The following MYO9A variants were observed in gnomAD, a reference collection of about 807,000 sequenced individuals.
The protein encoded by MYO9A is myosin IXA, also known as unconventional myosin-IXa.
Under a neutral mutation model 293.3 loss-of-function variants are expected in MYO9A, and 103 were observed. The ratio of observed to expected loss-of-function variants is 0.35; its 90% CI spans 0.30 to 0.41. The LOEUF (loss-of-function observed/expected upper bound fraction) is 0.41, where lower values mean the gene tolerates loss of function less well. Among genes scored for constraint, MYO9A ranks in the 10% least tolerant of loss-of-function variants. The pLI, the probability that MYO9A is intolerant of heterozygous loss-of-function variation, is 1.00. For synonymous variants in MYO9A, 1,001 were observed against 1,035.7 expected (o/e 0.97, Z 0.64); for missense variants, 2,685 against 3,033.0 (o/e 0.89, Z 2.69).
intron 21 of MYO9A, 69 bp from the exon 22 acceptor site, chr15:71,903,132 A>G (rs2057532609): frequency 7.9e-7 from 1 of 1,258,452 alleles, no homozygotes; most frequent in African/African-American, 1.5e-5. Context: ...TAAACTAATT[A>G]TCATTCTATT....
intron 9 of MYO9A, among the ~76,000 whole-genome samples, chr15:71,997,628 A>C (rs1567363606): frequency 1.3e-5 from 2 of 152,216 alleles, no homozygotes; most frequent in South Asian, 4.1e-4. Flanking sequence ...CCAAACAAAA[A>C]TAAACAAAAA....
intron 1 of MYO9A, among the ~76,000 whole-genome samples, chr15:72,116,667 TAAG>T (rs1474037392): frequency 6.6e-6 from 1 of 152,136 alleles, no homozygotes; most frequent in Non-Finnish European, 1.5e-5. Flanking sequence ...AAAATAAAAA[TAAG>T]AAACAGTTCT....
chr15:71,910,741 G>C (rs920846753), intron 19 of MYO9A, among the ~76,000 whole-genome samples: 2 of 152,066 alleles, frequency 1.3e-5, no homozygotes, highest in African/African-American at 4.8e-5. Context: ...GTTTTACATA[G>C]GTGTGTTGGC....
At chr15:71,912,631 C>A (rs1291121872) in intron 19 of MYO9A, among the ~76,000 whole-genome samples, 3 of 152,172 alleles carry the variant, frequency 2.0e-5, no homozygotes, top group Admixed American at 1.3e-4. Flanking sequence ...TAAATTCAAA[C>A]TTCCATGTGG....
At chr15:71,902,714 T>C (rs2057521041) in intron 22 of MYO9A, among the ~76,000 whole-genome samples, 1 of 152,154 alleles carries the variant, frequency 6.6e-6, no homozygotes, top group Non-Finnish European at 1.5e-5. Context: ...GTAGAGTATC[T>C]ATGGAGAGAT....
chr15:71,867,901 T>C (rs1475300666), intron 32 of MYO9A, among the ~76,000 whole-genome samples: 1 of 151,586 alleles, frequency 6.6e-6, no homozygotes, highest in Non-Finnish European at 1.5e-5. Flanking sequence ...AGCAGCCTAA[T>C]AGTCCGGTAA....
chr15:72,022,710 G>A (rs886901442), intron 4 of MYO9A, among the ~76,000 whole-genome samples: 4 of 151,816 alleles, frequency 2.6e-5, no homozygotes, highest in African/African-American at 9.7e-5. Flanking sequence ...ACCAAATCTG[G>A]CTAATTTTTG....
chr15:71,852,362 C>CTT (rs1159987320), intron 35 of MYO9A, 102 bp from the exon 36 acceptor site: 2,777 of 610,730 alleles, frequency 4.5e-3, no homozygotes, highest in South Asian at 5.4e-3. Flanking sequence ...CTTCATGTTT[C>CTT]TTTTTTTTTT....
intron 6 of MYO9A, 35 bp from the exon 7 acceptor site, chr15:72,010,482 T>C (rs1433264562): frequency 1.1e-5 from 17 of 1,540,578 alleles, no homozygotes; most frequent in Non-Finnish European, 1.5e-5. Context: ...AAAATCAAGA[T>C]TATATATTTT....
chr15:71,991,339 G>T, intron 10 of MYO9A, 102 bp from the exon 11 acceptor site: 2 of 857,872 alleles, frequency 2.3e-6, no homozygotes, highest in Non-Finnish European at 3.5e-6. Context: ...CTCTAAAGCA[G>T]TGTACAGGGG....
At position 71,854,405 on chromosome 15, in the gene MYO9A, G is replaced by A. The variant is rs762111917; in HGVS notation, c.6318C>T (p.Ile2106=). 1 of 1,598,716 alleles carries A rather than the reference G, an allele frequency of 6.3e-7. No individual in the cohort carries two copies. The highest frequency in any genetic ancestry group is 8.5e-7 in the Non-Finnish European group (1 of 1,173,840). Residue 2106 remains isoleucine, a synonymous_variant, in exon 35 of 42, where the codon ATC becomes ATT. Transcript: ENST00000356056. ...TATCTAGACCCTGCCGAAGCTCCTT[G>A]ATTTTATTAGTCGAACCAGACTTTC... ...IYRKSGSTNK[I]KELRQGLDTD...
chr15:72,071,055 A>C (rs1169892205), intron 1 of MYO9A, among the ~76,000 whole-genome samples: 1 of 152,210 alleles, frequency 6.6e-6, no homozygotes, highest in African/African-American at 2.4e-5. Flanking sequence ...ACTGACAATC[A>C]GGCTTAAACT....
At chr15:71,844,351 A>ATATG (rs2055294439) in intron 39 of MYO9A, among the ~76,000 whole-genome samples, 1 of 152,188 alleles carries the variant, frequency 6.6e-6, no homozygotes, top group Admixed American at 6.5e-5. Flanking sequence ...GGAAGTCTAT[A>ATATG]TATGATTCTA....
At chr15:72,052,913 G>A (rs12441622) in intron 1 of MYO9A, among the ~76,000 whole-genome samples, 6,496 of 152,134 alleles carry the variant, frequency 0.043, 253 homozygotes, top group East Asian at 0.18. Flanking sequence ...AGCCCAGCAG[G>A]CCCAAGAAAA....
In MYO9A at chr15:71,826,276, AGGGAAAAGAG is replaced by A; in HGVS notation, c.*294_*303del. The A allele has an allele frequency of 7.0e-6, 2 of 287,266 alleles. No homozygotes were observed. Among genetic ancestry groups the A allele is most frequent in the Non-Finnish European group, 1.3e-5 (2 of 154,818 alleles). 17.8% of individuals were successfully genotyped at this position (287,266 alleles called of 1,614,324 possible). A position where few individuals can be genotyped will look rare whatever the true frequency, so the allele number is the denominator to read the frequency against. On this transcript the variant is annotated 3_prime_UTR_variant, in exon 42 of 42. Coordinates refer to ENST00000356056, the MANE Select transcript of MYO9A (RefSeq NM_006901.4). ...CCTAGTTCAACACCCACCTTTGGGA[AGGGAAAAGAG>A]GGTGGGGGAGAGGCAACTACAACTG...
intron 11 of MYO9A, 134 bp from the exon 12 acceptor site, chr15:71,978,426 G>T: frequency 3.0e-6 from 2 of 660,160 alleles, no homozygotes; most frequent in South Asian, 2.8e-5. Flanking sequence ...ATGAAAGAAT[G>T]TATAATTTCA....
chr15:72,032,421 T>C (rs1277482496), intron 3 of MYO9A, 73 bp downstream of exon 3: 3 of 934,054 alleles, frequency 3.2e-6, no homozygotes, highest in South Asian at 2.1e-5. Context: ...GAACAATACA[T>C]AGTTTATAAA....
In MYO9A at chr15:72,008,413, T is replaced by C. The variant is rs116589297; in HGVS notation, c.1254-461A>G. Reference sequence around the variant, plus strand: ...GTTGTTAAAATGCTTTTCTATACCATAGTATGGTGTTTGAGGTAAATGGGT... The same window carrying C: ...GTTGTTAAAATGCTTTTCTATACCACAGTATGGTGTTTGAGGTAAATGGGT... On this transcript the variant is annotated intron_variant, in intron 7 of 41. Coordinates refer to ENST00000356056, the MANE Select transcript of MYO9A (RefSeq NM_006901.4). 5.2e-3 allele frequency among the ~76,000 whole-genome samples: 787 copies of C among 151,022 alleles called. 10 individuals carry two copies. Among genetic ancestry groups the C allele is most frequent in the African/African-American group, 0.018 (750 of 41,074 alleles).
chr15:71,885,188 A>G (rs2142772388), intron 27 of MYO9A, among the ~76,000 whole-genome samples: 1 of 152,198 alleles, frequency 6.6e-6, no homozygotes, highest in South Asian at 2.1e-4. Flanking sequence ...ATGATTAGGC[A>G]TGTTCCACCA....
Sources: gnomAD v4.1 joint callset for allele counts (sites outside exome capture counted in the v4.1 genomes callset) on GRCh38, gnomAD v4.1.1 for gene constraint, MANE v1.5 for transcripts, NCBI Gene and HGNC (gene_info 2026-07-23, HGNC 2026-07-21) for gene names.